ADAM7: variants seen among roughly 807,000 people sequenced by gnomAD.
ADAM7 encodes the protein ADAM metallopeptidase domain 7, also known as disintegrin and metalloproteinase domain-containing protein 7.
Under a neutral mutation model 102.9 loss-of-function variants are expected in ADAM7, and 97 were observed. The observed-to-expected ratio is 0.94, with a 90% CI of 0.80 to 1.12. ADAM7 has a LOEUF of 1.12. Ranked by LOEUF, ADAM7 falls within the 50% of genes most tolerant of loss-of-function variation. ADAM7 has a pLI of 0.00. For synonymous variants in ADAM7, 334 were observed against 304.4 expected (o/e 1.10, Z -1.01); for missense variants, 991 against 908.7 (o/e 1.09, Z -1.16).
intron 3 of ADAM7, among the ~76,000 whole-genome samples, chr8:24,453,946 C>A (rs565044772): frequency 6.6e-6 from 1 of 152,328 alleles, no homozygotes; most frequent in South Asian, 2.1e-4. Context: ...GTATCCGCAG[C>A]AGTGGCTGCA....
chr8:24,452,542 G>A (rs1259909543), intron 3 of ADAM7, among the ~76,000 whole-genome samples: 3 of 151,782 alleles, frequency 2.0e-5, no homozygotes, highest in African/African-American at 4.8e-5. Context: ...GCCTATGTGT[G>A]TCTCTGCACG....
chr8:24,453,985 G>A (rs1818903779), intron 3 of ADAM7, among the ~76,000 whole-genome samples: 1 of 152,224 alleles, frequency 6.6e-6, no homozygotes, highest in Non-Finnish European at 1.5e-5. Context: ...AACCGCGAAT[G>A]CTGCTGTCTG....
Position 24,450,698 on chromosome 8 carries a change from T to C in ADAM7, c.233+3436T>C, listed in dbSNP as rs1332978527. On this transcript the variant is annotated intron_variant, in intron 3 of 21. Transcript: ENST00000175238. ...CTTCCAACACTATGTTGAATAGGAGTGGTGAGAGAGGGCATCCCTGTCTTG... is the reference window on the plus strand; with the variant it reads ...CTTCCAACACTATGTTGAATAGGAGCGGTGAGAGAGGGCATCCCTGTCTTG... Among the ~76,000 whole-genome samples, 5 of 151,330 alleles carry C rather than the reference T, an allele frequency of 3.3e-5. 1 individual carries two copies. In the South Asian group the frequency reaches 8.4e-4, roughly 25 times the overall value.
intron 6 of ADAM7, 108 bp downstream of exon 6, chr8:24,467,096 C>T: frequency 9.4e-7 from 1 of 1,065,380 alleles, no homozygotes; most frequent in Non-Finnish European, 1.4e-6. Context: ...GTGCTACTTT[C>T]AGTCTGGCAC....
chr8:24,447,636 G>C (rs1326533909), intron 3 of ADAM7, among the ~76,000 whole-genome samples: 1 of 152,136 alleles, frequency 6.6e-6, no homozygotes, highest in Non-Finnish European at 1.5e-5. Context: ...ATCAAATCAA[G>C]TTCCATTGCA....
At chr8:24,506,987 G>C (rs1431074458) in intron 20 of ADAM7, among the ~76,000 whole-genome samples, 1 of 152,122 alleles carries the variant, frequency 6.6e-6, no homozygotes, top group Admixed American at 6.6e-5. Context: ...GCTGTGATTA[G>C]TTGATTAGTT....
At chr8:24,504,374 C>A (rs143388678) in intron 20 of ADAM7, among the ~76,000 whole-genome samples, 1 of 151,364 alleles carries the variant, frequency 6.6e-6, no homozygotes, top group Admixed American at 6.6e-5. Flanking sequence ...TCTCAAAAAA[C>A]AACAATATCA....
chr8:24,490,777 T>A (rs759342806), intron 12 of ADAM7, 22 bp from the exon 13 acceptor site: 48 of 1,602,624 alleles, frequency 3.0e-5, no homozygotes, highest in Non-Finnish European at 3.5e-5. Flanking sequence ...ATTTCTCATC[T>A]CTCTTTTGTG....
In ADAM7 at chr8:24,509,026, G is replaced by T. The variant is rs1385007211; in HGVS notation, c.*480G>T. The T allele has an allele frequency of 2.0e-6, 2 of 989,540 alleles. No homozygotes were observed. The highest frequency in any genetic ancestry group is 2.4e-6 in the Non-Finnish European group (2 of 832,908). The allele number at this position is 989,540 out of a possible 1,614,324, so 61.3% of individuals were successfully genotyped here. On this transcript the variant is annotated 3_prime_UTR_variant, in exon 22 of 22. Coordinates refer to ENST00000175238, the MANE Select transcript of ADAM7 (RefSeq NM_003817.4). ...AAGTCCTGCAGAAATGCCAAAGAAG[G>T]CAGGGCAGAGCGGCACGGATTCTAG...
chr8:24,459,446 ATTTATT>A (rs1819161728), intron 3 of ADAM7, among the ~76,000 whole-genome samples: 2 of 151,684 alleles, frequency 1.3e-5, no homozygotes, highest in Non-Finnish European at 2.9e-5. Context: ...TTATTTATTT[ATTTATT>A]TTTATTTTTT....
intron 3 of ADAM7, among the ~76,000 whole-genome samples, chr8:24,449,025 G>A (rs1257504622): frequency 6.6e-6 from 1 of 152,138 alleles, no homozygotes; most frequent in Admixed American, 6.6e-5. Context: ...GTGTATATGT[G>A]CCACATTTTC....
chr8:24,489,034 C>T, intron 11 of ADAM7, 125 bp from the exon 12 acceptor site: 1 of 825,092 alleles, frequency 1.2e-6, no homozygotes, highest in South Asian at 2.7e-5. Context: ...GACCCAGTTA[C>T]TTCCCTGCTC....
rs1821028945 is a variant in ADAM7 at position 24,508,618 on chromosome 8, C to T, written c.*72C>T. ...ATTCTGGATGCAACGTCTTTACAAC[C>T]TTACCTAGATATCTGCTACTCACAT... On this transcript the variant is annotated 3_prime_UTR_variant, in exon 22 of 22. Coordinates refer to ENST00000175238, the MANE Select transcript of ADAM7 (RefSeq NM_003817.4). The T allele has an allele frequency of 6.2e-7, 1 of 1,609,572 alleles. No individual in the cohort carries two copies. Among genetic ancestry groups the T allele is most frequent in the African/African-American group, 1.3e-5 (1 of 74,942 alleles).
rs1247270929 is a variant in ADAM7 at position 24,507,501 on chromosome 8, A to C, written c.2230A>C (p.Arg744=). The change falls in exon 21 of 22, where the codon AGA becomes CGA. Residue 744 remains arginine (R), a synonymous_variant. Transcript: ENST00000175238. ...ATAGAAACCTGCAAGTAAAGATTCA[A>C]GAGGAATCGCAGATCCCAATCAAAG... ...FLNKPASKDS[R]GIADPNQSAK is the part of the protein sequence containing the mutation. 6.2e-7 allele frequency: 1 copy of C among 1,612,806 alleles called. No homozygotes were observed. The highest frequency in any genetic ancestry group is 2.2e-5 in the East Asian group (1 of 44,844).
Position 24,509,114 on chromosome 8 carries a change from A to G in ADAM7, c.*568A>G. ...GAACTGCAGGATAGTCCTTAAAATA[A>G]TGGTGGTGGGAAAGGAAAACACAGA... On this transcript the variant is annotated 3_prime_UTR_variant, in exon 22 of 22. Transcript: ENST00000175238. The G allele has an allele frequency of 1.0e-6, 1 of 985,502 alleles. No individual in the cohort carries two copies. The highest frequency in any genetic ancestry group is 1.2e-6 in the Non-Finnish European group (1 of 829,976). 61.0% of individuals were successfully genotyped at this position (985,502 alleles called of 1,614,324 possible).
At chr8:24,492,356 T>C in intron 14 of ADAM7, 139 bp from the exon 15 acceptor site, 1 of 723,600 alleles carries the variant, frequency 1.4e-6, no homozygotes, top group African/African-American at 1.8e-5. Flanking sequence ...GGCAATAGGA[T>C]AGTTTTTAAA....
chr8:24,449,497 G>T (rs1256168357), intron 3 of ADAM7, among the ~76,000 whole-genome samples: 2 of 151,544 alleles, frequency 1.3e-5, no homozygotes, highest in African/African-American at 2.4e-5. Context: ...TTTTGATGGG[G>T]TTGTTTTTTT....
At chr8:24,492,873 A>T (rs1327236226) in intron 15 of ADAM7, among the ~76,000 whole-genome samples, 170 bp from the exon 16 acceptor site, 1 of 151,972 alleles carries the variant, frequency 6.6e-6, no homozygotes, top group Non-Finnish European at 1.5e-5. Context: ...GACTCATCTC[A>T]GTTCCCAGGG....
chr8:24,467,381 T>C (rs1819464138), intron 6 of ADAM7: 1 of 236,998 alleles, frequency 4.2e-6, no homozygotes, highest in Non-Finnish European at 8.1e-6. Context: ...TCAAATGTTT[T>C]AATGGTTAAG....
Sources: allele counts gnomAD v4.1 joint callset (sites outside exome capture counted in the v4.1 genomes callset), GRCh38; gene constraint gnomAD v4.1.1; transcripts MANE v1.5; gene names NCBI Gene and HGNC (gene_info 2026-07-23, HGNC 2026-07-21).